Variants in SEC24B observed in about 807,000 individuals in gnomAD.
The protein encoded by SEC24B is protein transport protein Sec24B.
SEC24B carries 45 observed loss-of-function variants against 142.8 expected under a neutral mutation model. That is an observed-to-expected ratio of 0.32 (90% CI 0.25 to 0.40). The LOEUF is 0.40. SEC24B is among the 10% of genes least tolerant of loss of function. The pLI is 1.00. For missense variants in SEC24B, 1,409 were observed against 1,526.8 expected (o/e 0.92, Z 1.29); for synonymous variants, 574 against 568.2 (o/e 1.01, Z -0.15).
chr4:109,442,473 G>A (rs1265574528), intron 1 of SEC24B, among the ~76,000 whole-genome samples: 1 of 152,164 alleles, frequency 6.6e-6, no homozygotes, highest in Non-Finnish European at 1.5e-5. Context: ...AATGAATTCA[G>A]TGATTACATT....
At chr4:109,498,569 T>A (rs1227753314) in intron 6 of SEC24B, among the ~76,000 whole-genome samples, 1 of 152,180 alleles carries the variant, frequency 6.6e-6, no homozygotes, top group Non-Finnish European at 1.5e-5. Flanking sequence ...TTTCACTGTG[T>A]TAGCCAGGAT....
intron 1 of SEC24B, among the ~76,000 whole-genome samples, chr4:109,435,900 T>C (rs984730652): frequency 6.6e-6 from 1 of 151,890 alleles, no homozygotes; most frequent in Admixed American, 6.6e-5. Flanking sequence ...GAGGGAAAGG[T>C]TGACTCTAGG....
At chr4:109,439,577 A>G (rs1411061512) in intron 1 of SEC24B, among the ~76,000 whole-genome samples, 7 of 132,266 alleles carry the variant, frequency 5.3e-5, no homozygotes, top group African/African-American at 1.8e-4. Context: ...ATCTCAGCTC[A>G]CTGCAACCTC....
intron 1 of SEC24B, among the ~76,000 whole-genome samples, chr4:109,456,334 G>GTTTTTTTTTTT (rs70949081): frequency 6.3e-4 from 59 of 94,012 alleles, no homozygotes; most frequent in East Asian, 1.9e-3. Context: ...GGTTTTTTTT[G>GTTTTTTTTTTT]TTTTTTTTTT....
chr4:109,439,524 C>T (rs1471624093), intron 1 of SEC24B, among the ~76,000 whole-genome samples: 2 of 41,444 alleles, frequency 4.8e-5, no homozygotes, highest in African/African-American at 8.4e-5. Flanking sequence ...TTTTTTGAGA[C>T]TGAGTTTCAG....
chr4:109,506,137 A>G (rs147882094), intron 6 of SEC24B, among the ~76,000 whole-genome samples, 191 bp from the exon 7 acceptor site: 1 of 152,186 alleles, frequency 6.6e-6, no homozygotes, highest in East Asian at 1.9e-4. Context: ...AACCTTGCTA[A>G]TAAGATTCAA....
intron 2 of SEC24B, among the ~76,000 whole-genome samples, chr4:109,472,416 C>A (rs527286101): frequency 6.6e-6 from 1 of 152,152 alleles, no homozygotes; most frequent in South Asian, 2.1e-4. Flanking sequence ...GCACTTTATT[C>A]CAGAAGTTCA....
intron 1 of SEC24B, among the ~76,000 whole-genome samples, chr4:109,442,975 G>A (rs1034880026): frequency 1.3e-5 from 2 of 151,872 alleles, no homozygotes. Flanking sequence ...ATCCAATGTT[G>A]ATGCTTTATT....
intron 3 of SEC24B, among the ~76,000 whole-genome samples, chr4:109,477,140 TA>T (rs759331468): frequency 0.1 from 5,654 of 55,982 alleles, 156 homozygotes; most frequent in South Asian, 0.18. Flanking sequence ...CCGTCTCAAA[TA>T]AAAAAAAAAA....
intron 7 of SEC24B, among the ~76,000 whole-genome samples, chr4:109,508,717 T>C (rs1365831131): frequency 6.6e-6 from 1 of 152,238 alleles, no homozygotes; most frequent in Non-Finnish European, 1.5e-5. Flanking sequence ...GAGTACAGGC[T>C]TTAGAGTTGA....
intron 1 of SEC24B, among the ~76,000 whole-genome samples, chr4:109,462,063 G>T (rs1731315208): frequency 6.6e-6 from 1 of 152,140 alleles, no homozygotes; most frequent in Non-Finnish European, 1.5e-5. Context: ...GGTCACCATG[G>T]TGCACGCCTG....
intron 1 of SEC24B, among the ~76,000 whole-genome samples, chr4:109,459,208 A>G (rs1204217033): frequency 1.3e-5 from 2 of 152,200 alleles, no homozygotes; most frequent in Non-Finnish European, 2.9e-5. Flanking sequence ...TACACGAGAA[A>G]AGAATAGGGG....
At chr4:109,475,057 ATCTC>A (rs1258118305) in intron 3 of SEC24B, among the ~76,000 whole-genome samples, 6 of 152,186 alleles carry the variant, frequency 3.9e-5, no homozygotes, top group Non-Finnish European at 8.8e-5. Flanking sequence ...TTTAACTCAG[ATCTC>A]TCTATCTTGT....
intron 14 of SEC24B, among the ~76,000 whole-genome samples, chr4:109,522,904 G>GT (rs1723808796): frequency 6.6e-6 from 1 of 151,912 alleles, no homozygotes; most frequent in African/African-American, 2.4e-5. Flanking sequence ...TTTTTCTTTT[G>GT]TTTTTTAAAA....
At chr4:109,462,619 C>T in intron 1 of SEC24B, among the ~76,000 whole-genome samples, 1 of 152,126 alleles carries the variant, frequency 6.6e-6, no homozygotes, top group Non-Finnish European at 1.5e-5. Context: ...ACTGGGCTAA[C>T]ATGGAAGTGA....
At position 109,464,294 on chromosome 4, in the gene SEC24B, C is replaced by T. The variant is rs1578809955; in HGVS notation, c.877+650C>T. 5.6e-5 allele frequency among the ~76,000 whole-genome samples: 8 copies of T among 142,058 alleles called. No homozygotes were observed. The South Asian group carries it at 1.3e-3, about 24-fold the overall frequency. 93.2% of individuals were successfully genotyped at this position (142,058 alleles called of 152,430 possible). A position where few individuals can be genotyped will look rare whatever the true frequency, so the allele number is the denominator to read the frequency against. Reference sequence around the variant, plus strand: ...TTATGTATGTAAGACGTGGCTTGCCCTTTTTTTTTTTTTTTGACACAGGGT... The same window carrying T: ...TTATGTATGTAAGACGTGGCTTGCCTTTTTTTTTTTTTTTTGACACAGGGT... On this transcript the variant is annotated intron_variant, in intron 2 of 23. Transcript: ENST00000265175.
intron 1 of SEC24B, chr4:109,451,097 C>G (rs1210731535): frequency 1.3e-5 from 2 of 152,186 alleles, no homozygotes; most frequent in Non-Finnish European, 2.9e-5. Context: ...GTAATTTCCT[C>G]TTTCCCTGTT....
At chr4:109,449,651 T>G (rs952186624) in intron 1 of SEC24B, 7 of 389,416 alleles carry the variant, frequency 1.8e-5, no homozygotes, top group African/African-American at 1.3e-4. Flanking sequence ...TTTCTTGGTA[T>G]GTGCACGTAG....
chr4:109,433,874 C>A lies in SEC24B; in HGVS notation c.5C>A (p.Ser2Ter). 2 of 1,333,330 alleles carry A rather than the reference C, an allele frequency of 1.5e-6. No homozygotes were observed. Among genetic ancestry groups the A allele is most frequent in the South Asian group, 1.8e-5 (1 of 54,918 alleles). 82.6% of individuals were successfully genotyped at this position (1,333,330 alleles called of 1,614,324 possible). A position where few individuals can be genotyped will look rare whatever the true frequency, so the allele number is the denominator to read the frequency against. M[S>*]APAGSSHPAA... is the part of the protein sequence containing the mutation. ...GCCGTCGCCACCAGCGCCGTCATGT[C>A]GGCCCCCGCCGGGTCCTCTCACCCG... is the stretch of plus-strand genomic sequence containing the variant. Residue 2 changes from serine to a stop codon, truncating the protein, a stop_gained, in exon 1 of 24, where the codon TCG (serine) becomes TAG (stop). Coordinates refer to ENST00000265175, the MANE Select transcript of SEC24B (RefSeq NM_006323.5). LOFTEE classifies it high-confidence loss of function.
Sources: gnomAD v4.1 joint callset for allele counts (sites outside exome capture counted in the v4.1 genomes callset) on GRCh38, gnomAD v4.1.1 for gene constraint, MANE v1.5 for transcripts, NCBI Gene and HGNC (gene_info 2026-07-23, HGNC 2026-07-21) for gene names.